The following FLT1 variants were observed in gnomAD, a reference collection of about 807,000 sequenced individuals.
The protein encoded by FLT1 is vascular endothelial growth factor receptor 1.
In FLT1, 49 loss-of-function variants were observed where a neutral mutation model predicts 156.3. The observed-to-expected ratio is 0.31, with a 90% CI of 0.25 to 0.40. FLT1 has a LOEUF of 0.40. FLT1 is among the 10% of genes least tolerant of loss of function. The pLI, the probability that FLT1 is intolerant of heterozygous loss-of-function variation, is 1.00. For synonymous variants in FLT1, 594 were observed against 583.8 expected (o/e 1.02, Z -0.25); for missense variants, 1,322 against 1,637.2 (o/e 0.81, Z 3.32).
chr13:28,422,988 C>G (rs1045315757), intron 10 of FLT1, among the ~76,000 whole-genome samples: 1 of 152,172 alleles, frequency 6.6e-6, no homozygotes, highest in Non-Finnish European at 1.5e-5. Flanking sequence ...ACAATCTTAT[C>G]TAAATAGTAT....
At chr13:28,435,047 AG>A (rs1877948439) in intron 4 of FLT1, among the ~76,000 whole-genome samples, 2 of 152,158 alleles carry the variant, frequency 1.3e-5, no homozygotes. Flanking sequence ...AAATAATTCC[AG>A]GTCCTCCAAG....
chr13:28,395,905 T>C (rs1430817110), intron 12 of FLT1, among the ~76,000 whole-genome samples: 1 of 152,216 alleles, frequency 6.6e-6, no homozygotes, highest in Non-Finnish European at 1.5e-5. Flanking sequence ...AATTTTTCAG[T>C]CTTTTGTATT....
At chr13:28,311,454 C>T (rs1028984923) in intron 27 of FLT1, 136 bp downstream of exon 27, 2 of 792,918 alleles carry the variant, frequency 2.5e-6, no homozygotes, top group African/African-American at 1.8e-5. Flanking sequence ...TCAACATAAT[C>T]TTTCTTTCTT....
At position 28,337,536 on chromosome 13, in the gene FLT1, A is replaced by G. The variant is rs149301166; in HGVS notation, c.2488+1632T>C. On this transcript the variant is annotated intron_variant, in intron 17 of 29. Transcript: ENST00000282397. ...GAGTGTACCTCGGGGCCTTGCAGCC[A>G]CACTCTGTATTGAAAGACAAAGTTA... Among the ~76,000 whole-genome samples, 1,099 of 152,368 alleles carry G rather than the reference A, an allele frequency of 7.2e-3. 13 individuals carry two copies. Among genetic ancestry groups the G allele is most frequent in the Non-Finnish European group, 6.9e-3 (472 of 68,034 alleles).
At chr13:28,409,103 C>A (rs1875985651) in intron 10 of FLT1, among the ~76,000 whole-genome samples, 1 of 152,172 alleles carries the variant, frequency 6.6e-6, no homozygotes, top group South Asian at 2.1e-4. Context: ...GTGGAACTCC[C>A]CATCTGGTCT....
chr13:28,466,679 A>G (rs1221280843), intron 3 of FLT1: 1 of 633,520 alleles, frequency 1.6e-6, no homozygotes, highest in Non-Finnish European at 2.9e-6. Context: ...GGTGACCTAT[A>G]CAGACCAGTC....
chr13:28,410,411 C>G (rs1248294373), intron 10 of FLT1, among the ~76,000 whole-genome samples: 1 of 152,202 alleles, frequency 6.6e-6, no homozygotes, highest in African/African-American at 2.4e-5. Context: ...TTCATTTAGC[C>G]TTTCTAGAAA....
rs369507550 is a variant in FLT1, at chr13:28,460,797, T to TACAC, written c.388+6102_388+6105dup. 4.4e-3 allele frequency among the ~76,000 whole-genome samples: 642 copies of TACAC among 145,996 alleles called. 3 individuals carry two copies. The highest frequency in any genetic ancestry group is 7.1e-3 in the East Asian group (35 of 4,896). On this transcript the variant is annotated intron_variant, in intron 3 of 29. Coordinates refer to ENST00000282397, the MANE Select transcript of FLT1 (RefSeq NM_002019.4). ...GAAATACATTTTACGTCAGACCCAT[T>TACAC]ACACACACACACACACACACACACA...
At chr13:28,405,027 A>G (rs1183146648) in intron 11 of FLT1, among the ~76,000 whole-genome samples, 1 of 151,686 alleles carries the variant, frequency 6.6e-6, no homozygotes, top group Admixed American at 6.6e-5. Flanking sequence ...CTCAAAAAAA[A>G]AAAAAAAAAG....
chr13:28,418,202 A>G (rs1384311054), intron 10 of FLT1, among the ~76,000 whole-genome samples: 1 of 152,078 alleles, frequency 6.6e-6, no homozygotes, highest in East Asian at 1.9e-4. Context: ...TCTTATTTAG[A>G]CCTGCTCATC....
chr13:28,321,492 T>G lies in FLT1; in HGVS notation c.3145A>C (p.Lys1049Gln). 1 of 1,614,214 alleles carries G rather than the reference T, an allele frequency of 6.2e-7. No homozygotes were observed. The highest frequency in any genetic ancestry group is 1.1e-5 in the South Asian group (1 of 91,090). Residue 1049 changes from lysine (K) to glutamine (Q), a missense_variant, in exon 23 of 30, where the codon AAG becomes CAG. Coordinates refer to ENST00000282397, the MANE Select transcript of FLT1 (RefSeq NM_002019.4). ...CCTTTTCTCACATAATCGGGGTTCTTATAAATATCCCGGGCAAGGCCAAAA... is the reference window on the plus strand; with the variant it reads ...CCTTTTCTCACATAATCGGGGTTCTGATAAATATCCCGGGCAAGGCCAAAA... ...CDFGLARDIY[K>Q]NPDYVRKGDT...
At chr13:28,429,524 A>C (rs1054174461) in intron 8 of FLT1, among the ~76,000 whole-genome samples, 1 of 152,014 alleles carries the variant, frequency 6.6e-6, no homozygotes, top group Non-Finnish European at 1.5e-5. Context: ...CTTTCTAGCC[A>C]AAAAAAACTT....
chr13:28,412,024 AAGCTAG>A (rs1360418151), intron 10 of FLT1, among the ~76,000 whole-genome samples: 1 of 152,228 alleles, frequency 6.6e-6, no homozygotes, highest in Non-Finnish European at 1.5e-5. Context: ...GAATCATTTC[AAGCTAG>A]GAAACAAAAG....
chr13:28,345,921 G>A, intron 15 of FLT1: 1 of 188,500 alleles, frequency 5.3e-6, no homozygotes, highest in Non-Finnish European at 1.1e-5. Context: ...GCTAAATCTG[G>A]AATATGTTAA....
chr13:28,461,722 G>A (rs957218967), intron 3 of FLT1, among the ~76,000 whole-genome samples: 14 of 151,412 alleles, frequency 9.2e-5, no homozygotes, highest in South Asian at 2.1e-4. Flanking sequence ...TTTTTCCCCC[G>A]CTAAACACAT....
chr13:28,354,207 A>G (rs941822919), intron 15 of FLT1, among the ~76,000 whole-genome samples: 7 of 152,186 alleles, frequency 4.6e-5, no homozygotes, highest in Non-Finnish European at 1.0e-4. Flanking sequence ...GCTGTTGTGA[A>G]CAGCATCCTA....
intron 14 of FLT1, among the ~76,000 whole-genome samples, chr13:28,364,665 A>G (rs7989623): frequency 0.08 from 12,160 of 152,216 alleles, 530 homozygotes; most frequent in South Asian, 0.12. Flanking sequence ...TCCCAGCATC[A>G]TTTATTGAAT....
chr13:28,431,710 C>G (rs1877693603), intron 6 of FLT1, among the ~76,000 whole-genome samples: 6 of 151,748 alleles, frequency 4.0e-5, no homozygotes, highest in Admixed American at 3.9e-4. Context: ...GCACACACAC[C>G]TCTCTACACA....
intron 1 of FLT1, among the ~76,000 whole-genome samples, chr13:28,490,540 A>T (rs1881413254): frequency 6.6e-6 from 1 of 152,142 alleles, no homozygotes; most frequent in Admixed American, 6.5e-5. Flanking sequence ...AAAATCCAGC[A>T]ATTTAATCAG....
Sources: allele counts gnomAD v4.1 joint callset (sites outside exome capture counted in the v4.1 genomes callset), GRCh38; gene constraint gnomAD v4.1.1; transcripts MANE v1.5; gene names NCBI Gene and HGNC (gene_info 2026-07-23, HGNC 2026-07-21).